The following IGHMBP2 variants were observed in gnomAD, a reference collection of about 807,000 sequenced individuals.
IGHMBP2 encodes immunoglobulin mu DNA binding protein 2.
IGHMBP2 carries 81 observed loss-of-function variants against 96.0 expected under a neutral mutation model. The ratio of observed to expected loss-of-function variants is 0.84; its 90% confidence interval spans 0.71 to 1.01. The LOEUF (loss-of-function observed/expected upper bound fraction) is 1.01. Among genes scored for constraint, IGHMBP2 ranks in the 50% least tolerant of loss-of-function variants. IGHMBP2 has a pLI of 0.00. For synonymous variants in IGHMBP2, 557 were observed against 548.9 expected, an observed-to-expected ratio of 1.01 and a Z score of -0.21; for missense variants, 1,227 against 1,306.3, an observed-to-expected ratio of 0.94 and a Z score of 0.94.
In IGHMBP2 at chr11:68,938,170, G is replaced by C; in HGVS notation, c.2612-12G>C. 6.2e-7 allele frequency: 1 copy of C among 1,613,964 alleles called. No individual in the cohort carries two copies. Among genetic ancestry groups the C allele is most frequent in the Non-Finnish European group, 8.5e-7 (1 of 1,179,984 alleles). ...TCTTTCCGTTTGCCTGAGTGACGCG[G>C]GTCTTCTCCAGGACATCCGGCCACA... On this transcript the variant is annotated splice_polypyrimidine_tract_variant and intron_variant, in intron 13 of 14. Transcript: ENST00000255078.
chr11:68,917,881 C>G lies in IGHMBP2; in HGVS notation c.1058C>G (p.Thr353Arg), dbSNP rs1368446033. The change falls in exon 7 of 15, where the codon ACA becomes AGA. Residue 353 changes from threonine (T) to arginine (R), a missense_variant and splice_region_variant. Physicochemically the swap from Thr to Arg is moderately conservative, Grantham distance 71 (BLOSUM62 -1). Coordinates refer to ENST00000255078, the MANE Select transcript of IGHMBP2 (RefSeq NM_002180.3). Reference sequence around the variant, plus strand: ...GCAAACGTGGTCCTTGCAACAAACACAGGTGAGGGGGCGTCTCCATCCTGC... The same window carrying G: ...GCAAACGTGGTCCTTGCAACAAACAGAGGTGAGGGGGCGTCTCCATCCTGC... The part of the protein sequence containing the change: ...TSANVVLATN[T>R]GASADGPLKL... The G allele has an allele frequency of 6.2e-7, 1 of 1,613,966 alleles. No individual in the cohort carries two copies. Among genetic ancestry groups the G allele is most frequent in the African/African-American group, 1.3e-5 (1 of 75,024 alleles).
chr11:68,907,909 T>C (rs540821623), intron 2 of IGHMBP2, among the ~76,000 whole-genome samples: 76 of 152,152 alleles, frequency 5.0e-4, no homozygotes, highest in Non-Finnish European at 9.1e-4. Flanking sequence ...CAGGATGGTC[T>C]CAATCTCCTG....
At chr11:68,913,638 G>A (rs1213783809) in intron 5 of IGHMBP2, among the ~76,000 whole-genome samples, 1 of 152,142 alleles carries the variant, frequency 6.6e-6, no homozygotes, top group Non-Finnish European at 1.5e-5. Flanking sequence ...TGGAGCTGTG[G>A]CTGGGTGCAG....
chr11:68,931,308 A>G (rs1364219808), intron 8 of IGHMBP2, among the ~76,000 whole-genome samples: 1 of 152,080 alleles, frequency 6.6e-6, no homozygotes, highest in Non-Finnish European at 1.5e-5. Context: ...GAGGGCAGCT[A>G]CAGCTGCACC....
chr11:68,925,094 C>T (rs1296314441), intron 7 of IGHMBP2, among the ~76,000 whole-genome samples: 1 of 151,850 alleles, frequency 6.6e-6, no homozygotes, highest in Non-Finnish European at 1.5e-5. Flanking sequence ...AGTCTGTTTG[C>T]CACAACCTCT....
chr11:68,930,295 A>G, intron 8 of IGHMBP2: 2 of 1,287,712 alleles, frequency 1.6e-6, no homozygotes, highest in Non-Finnish European at 2.0e-6. Flanking sequence ...CTTTTGAAAC[A>G]CTTCTCTGTT....
intron 8 of IGHMBP2, chr11:68,930,325 G>A (rs1353699371): frequency 7.8e-7 from 1 of 1,289,808 alleles, no homozygotes. Flanking sequence ...GTGTGTAGAA[G>A]CTATGAACTC....
At position 68,904,008 on chromosome 11, in the gene IGHMBP2, T is replaced by A; in HGVS notation, c.56T>A (p.Leu19His). ...FVTKQLDLLE[L>H]ERDAEVEERR... ...ACCAAGCAACTGGACCTGCTGGAGC[T>A]TGAGAGAGACGCGGAGGTGGAGGAG... is the stretch of plus-strand genomic sequence containing the variant. Residue 19 changes from leucine (L) to histidine (H), a missense_variant, in exon 1 of 15, where the codon CTT becomes CAT. Leu to His is a moderately conservative substitution (Grantham distance 99). Around this residue, in one of 3 missense-constraint regions of IGHMBP2, gnomAD observed 507 missense variants for 496.9 expected, o/e 1.02. Coordinates refer to ENST00000255078, the MANE Select transcript of IGHMBP2 (RefSeq NM_002180.3). 1.3e-6 allele frequency: 2 copies of A among 1,550,602 alleles called. No homozygotes were observed. The highest frequency in any genetic ancestry group is 1.7e-6 in the Non-Finnish European group (2 of 1,146,886).
intron 9 of IGHMBP2, 143 bp downstream of exon 9, chr11:68,933,624 C>T: frequency 1.7e-6 from 2 of 1,178,498 alleles, no homozygotes; most frequent in South Asian, 2.6e-5. Context: ...AGAGGGTGGC[C>T]TTGCCCTGGA....
At chr11:68,934,102 T>G in intron 10 of IGHMBP2, 189 bp downstream of exon 10, 2 of 641,686 alleles carry the variant, frequency 3.1e-6, no homozygotes, top group Non-Finnish European at 5.6e-6. Context: ...AGACCGCTCC[T>G]GGGTGAGATG....
intron 8 of IGHMBP2, chr11:68,929,822 C>T: frequency 1.0e-6 from 1 of 985,220 alleles, no homozygotes; most frequent in Non-Finnish European, 1.2e-6. Flanking sequence ...CACCGGAGCC[C>T]TGATGCAGTG....
chr11:68,924,228 C>T (rs1252368970), intron 7 of IGHMBP2, among the ~76,000 whole-genome samples: 2 of 152,208 alleles, frequency 1.3e-5, no homozygotes, highest in African/African-American at 2.4e-5. Flanking sequence ...CGCACATTCT[C>T]TCTTGTAGCC....
At chr11:68,904,495 C>T (rs534450619) in intron 1 of IGHMBP2, among the ~76,000 whole-genome samples, 17 of 152,272 alleles carry the variant, frequency 1.1e-4, no homozygotes, top group African/African-American at 4.1e-4. Flanking sequence ...GCGTCCAGGG[C>T]CGGCTGCGTG....
chr11:68,911,532 G>A lies in IGHMBP2; in HGVS notation c.640G>A (p.Gly214Arg). Reference sequence around the variant, plus strand: ...TCAGAAAGAACTTGCCATCATCCATGGACCTCCTGGCACTGGGAAAACCAC... The same window carrying A: ...TCAGAAAGAACTTGCCATCATCCATAGACCTCCTGGCACTGGGAAAACCAC... ...LSQKELAIIH[G>R]PPGTGKTTTV... Residue 214 changes from glycine (G) to arginine (R), a missense_variant, in exon 5 of 15, where the codon GGA becomes AGA. Gly to Arg is a moderately radical substitution (Grantham distance 125). Around this residue, in one of 3 missense-constraint regions of IGHMBP2, gnomAD observed 507 missense variants for 496.9 expected, o/e 1.02. Transcript: ENST00000255078. 1 of 1,614,072 alleles carries A rather than the reference G, an allele frequency of 6.2e-7. No homozygotes were observed. Among genetic ancestry groups the A allele is most frequent in the Non-Finnish European group, 8.5e-7 (1 of 1,179,918 alleles).
At chr11:68,931,195 A>T (rs627731) in intron 8 of IGHMBP2, among the ~76,000 whole-genome samples, 2 of 151,884 alleles carry the variant, frequency 1.3e-5, no homozygotes, top group Non-Finnish European at 2.9e-5. Flanking sequence ...GGGTGCTGGG[A>T]GCTGAGAGAG....
chr11:68,933,748 G>A (rs1375400569), intron 9 of IGHMBP2, 47 bp from the exon 10 acceptor site: 5 of 1,458,856 alleles, frequency 3.4e-6, no homozygotes, highest in Non-Finnish European at 3.8e-6. Flanking sequence ...GGGCCTCAGT[G>A]CTGCACTGTG....
Position 68,917,988 on chromosome 11 carries a change from C to T in IGHMBP2, c.1060+105C>T, listed in dbSNP as rs1160529388. ...GTTTGTTTAGAATTGGTATTTCTTT[C>T]TTAAAAGTTGGGTAGGGTTCACTAG... On this transcript the variant is annotated intron_variant, in intron 7 of 14. Transcript: ENST00000255078. 3 of 1,332,932 alleles carry T rather than the reference C, an allele frequency of 2.3e-6. No individual in the cohort carries two copies. The African/African-American group carries it at 4.3e-5, about 19-fold the overall frequency. 82.6% of individuals were successfully genotyped at this position (1,332,932 alleles called of 1,614,324 possible).
At chr11:68,912,475 G>C (rs1040062468) in intron 5 of IGHMBP2, among the ~76,000 whole-genome samples, 4 of 151,206 alleles carry the variant, frequency 2.6e-5, no homozygotes, top group African/African-American at 9.7e-5. Flanking sequence ...ATCATCATCT[G>C]CATCAGCTTG....
At position 68,933,295 on chromosome 11, in the gene IGHMBP2, G is replaced by A. The variant is rs746867102; in HGVS notation, c.1236-4G>A. On this transcript the variant is annotated splice_region_variant and splice_polypyrimidine_tract_variant and intron_variant, in intron 8 of 14. Coordinates refer to ENST00000255078, the MANE Select transcript of IGHMBP2 (RefSeq NM_002180.3). Reference sequence around the variant, plus strand: ...CCTTCCCCCTTTCTCCCTCCTGGGCGCAGGGCTGCGCTGGCAGGACTGTCA... The same window carrying A: ...CCTTCCCCCTTTCTCCCTCCTGGGCACAGGGCTGCGCTGGCAGGACTGTCA... 2.1e-5 allele frequency: 34 copies of A among 1,611,068 alleles called. 1 individual carries two copies. Among genetic ancestry groups the A allele is most frequent in the South Asian group, 1.8e-4 (16 of 90,298 alleles).
Sources: allele counts gnomAD v4.1 joint callset (sites outside exome capture counted in the v4.1 genomes callset), GRCh38; gene constraint gnomAD v4.1.1; regional missense constraint gnomAD v4.1.1; transcripts MANE v1.5; gene names NCBI Gene and HGNC (gene_info 2026-07-23, HGNC 2026-07-21).